The following DSCAM variants were observed in gnomAD, a reference collection of about 807,000 sequenced individuals.
DSCAM encodes cell adhesion molecule DSCAM.
A neutral mutation model predicts 217.7 loss-of-function variants in DSCAM; 47 were observed. That is an observed-to-expected ratio of 0.22 (90% confidence interval 0.17 to 0.28). DSCAM has a LOEUF of 0.28. Ranked by LOEUF, DSCAM falls within the 10% of genes least tolerant of loss-of-function variation. The probability of loss-of-function intolerance (pLI) is 1.00; values close to 1 mark genes in which losing one functional copy is unlikely to be tolerated. For missense variants in DSCAM, 2,080 were observed against 2,618.3 expected, an observed-to-expected ratio of 0.79 and a Z score of 4.49; for synonymous variants, 1,056 against 1,015.3, an observed-to-expected ratio of 1.04 and a Z score of -0.76.
chr21:40,086,657 T>C (rs902128635), intron 22 of DSCAM, among the ~76,000 whole-genome samples: 1 of 152,182 alleles, frequency 6.6e-6, no homozygotes, highest in African/African-American at 2.4e-5. Context: ...ACTCACTCTC[T>C]CCCTCTATCT....
chr21:40,647,142 A>C (rs2089957516), intron 3 of DSCAM, among the ~76,000 whole-genome samples: 1 of 152,182 alleles, frequency 6.6e-6, no homozygotes, highest in Non-Finnish European at 1.5e-5. Context: ...GAATTGGAGG[A>C]GTTGTTAAAG....
In DSCAM at chr21:40,353,437, C is replaced by A. The variant is rs200736348; in HGVS notation, c.934+28G>T. The A allele has an allele frequency of 6.7e-5, 106 of 1,587,888 alleles. 1 individual carries two copies. The highest frequency in any genetic ancestry group is 6.9e-5 in the Non-Finnish European group (81 of 1,173,446). Reference sequence around the variant, plus strand: ...GAGCTCCATCGATGGAAGCCAACACCACCTTTGCAAGTTACCGTCCAACTT... The same window carrying A: ...GAGCTCCATCGATGGAAGCCAACACAACCTTTGCAAGTTACCGTCCAACTT... On this transcript the variant is annotated intron_variant, in intron 5 of 32. Transcript: ENST00000400454.
intron 3 of DSCAM, among the ~76,000 whole-genome samples, chr21:40,518,518 AATAT>A (rs57031415): frequency 1.1e-4 from 3 of 27,406 alleles, no homozygotes; most frequent in Non-Finnish European, 1.5e-4. Context: ...TAATATATAT[AATAT>A]ATATTTTATA....
At chr21:40,722,182 A>G (rs996598682) in intron 1 of DSCAM, among the ~76,000 whole-genome samples, 3 of 152,162 alleles carry the variant, frequency 2.0e-5, no homozygotes, top group Non-Finnish European at 4.4e-5. Context: ...ATCTTTCAGG[A>G]AGAAAAGAAA....
chr21:40,197,211 C>T lies in DSCAM; in HGVS notation c.2357-7973G>A, dbSNP rs892723013. 9.9e-5 allele frequency among the ~76,000 whole-genome samples: 15 copies of T among 152,082 alleles called. No homozygotes were observed. In the East Asian group the frequency reaches 1.4e-3, roughly 14 times the overall value. ...TTGGCTCACTGCAAGCTCCGCCTCC[C>T]GGGTTCACACCATTCTCCTGCCTCA... is the stretch of plus-strand genomic sequence containing the variant. On this transcript the variant is annotated intron_variant, in intron 11 of 32. Coordinates refer to ENST00000400454, the MANE Select transcript of DSCAM (RefSeq NM_001389.5).
At chr21:40,413,552 A>G (rs1344985078) in intron 3 of DSCAM, among the ~76,000 whole-genome samples, 2 of 152,186 alleles carry the variant, frequency 1.3e-5, no homozygotes, top group Non-Finnish European at 2.9e-5. Context: ...AATTTCTCCT[A>G]TTTCTCTTGA....
intron 3 of DSCAM, among the ~76,000 whole-genome samples, chr21:40,642,546 T>C (rs1165702765): frequency 2.6e-5 from 4 of 152,166 alleles, no homozygotes; most frequent in African/African-American, 9.7e-5. Flanking sequence ...TCCAGGGATC[T>C]GCCTCTTCAC....
chr21:40,124,370 T>C, intron 19 of DSCAM, 42 bp from the exon 20 acceptor site: 1 of 1,610,034 alleles, frequency 6.2e-7, no homozygotes, highest in Non-Finnish European at 8.5e-7. Context: ...GGGCCTCAAC[T>C]TGGGCTTGCG....
intron 3 of DSCAM, among the ~76,000 whole-genome samples, chr21:40,583,807 A>C (rs565589895): frequency 1.3e-5 from 2 of 151,192 alleles, no homozygotes; most frequent in Non-Finnish European, 2.9e-5. Context: ...ATAACAAGGG[A>C]GGCTGTGCAT....
rs1054445322 is a variant in DSCAM at position 40,677,214 on chromosome 21, A to T, written c.508+15596T>A. Among the ~76,000 whole-genome samples, 6 of 42,512 alleles carry T rather than the reference A, an allele frequency of 1.4e-4. No individual in the cohort carries two copies. In the Admixed American group the frequency reaches 1.8e-3, roughly 13 times the overall value. The allele number at this position is 42,512 out of a possible 152,430, so 27.9% of individuals were successfully genotyped here. ...TACAATGCAATGGGCATAGGAGGATAAAAAAAAATGTGTGCATAAAAAGAA... is the reference window on the plus strand; with the variant it reads ...TACAATGCAATGGGCATAGGAGGATTAAAAAAAATGTGTGCATAAAAAGAA... On this transcript the variant is annotated intron_variant, in intron 3 of 32. Coordinates refer to ENST00000400454, the MANE Select transcript of DSCAM (RefSeq NM_001389.5).
At chr21:40,256,769 A>C (rs2073377966) in intron 11 of DSCAM, among the ~76,000 whole-genome samples, 3 of 152,224 alleles carry the variant, frequency 2.0e-5, no homozygotes, top group African/African-American at 7.2e-5. Flanking sequence ...GCTTTTGACC[A>C]AGCATCTGAG....
intron 5 of DSCAM, 116 bp from the exon 6 acceptor site, chr21:40,348,061 T>A (rs1053142511): frequency 1.9e-6 from 2 of 1,040,640 alleles, no homozygotes; most frequent in African/African-American, 3.2e-5. Context: ...CTCCACACAG[T>A]TCCCATCAGC....
rs115009079 is a variant in DSCAM, at chr21:40,063,408, T to C, written c.4889-509A>G. Among the ~76,000 whole-genome samples, 514 of 151,520 alleles carry C rather than the reference T, an allele frequency of 3.4e-3. 3 individuals carry two copies. The highest frequency in any genetic ancestry group is 0.012 in the African/African-American group (492 of 41,298). On this transcript the variant is annotated intron_variant, in intron 27 of 32. Coordinates refer to ENST00000400454, the MANE Select transcript of DSCAM (RefSeq NM_001389.5). ...AATTCAGAAATTAAAAAAACTTTAT[T>C]TTTTTTTTCTCTGAGCACATTGTTT...
intron 10 of DSCAM, among the ~76,000 whole-genome samples, chr21:40,295,145 A>C (rs974951313): frequency 1.3e-5 from 2 of 152,144 alleles, no homozygotes; most frequent in African/African-American, 4.8e-5. Context: ...CAAATACCTC[A>C]CAATAATTAA....
rs1426137574 is a variant in DSCAM at position 40,232,822 on chromosome 21, AG to A, written c.2356+43274del. Among the ~76,000 whole-genome samples the A allele has an allele frequency of 3.9e-5, 6 of 152,298 alleles. No individual in the cohort carries two copies. In the East Asian group the frequency reaches 1.2e-3, roughly 29 times the overall value. On this transcript the variant is annotated intron_variant, in intron 11 of 32. Transcript: ENST00000400454. ...GACTTTTACTGAGATTAAACCTAGTAGGGTGATATTTAAGGAGTCATAATAA... is the reference window on the plus strand; with the variant it reads ...GACTTTTACTGAGATTAAACCTAGTAGGTGATATTTAAGGAGTCATAATAA...
At chr21:40,152,127 A>G (rs200575514) in intron 16 of DSCAM, among the ~76,000 whole-genome samples, 1 of 54,114 alleles carries the variant, frequency 1.8e-5, no homozygotes, top group Non-Finnish European at 7.9e-5. Flanking sequence ...AAAAAAAAAA[A>G]CACAAAAAAA....
At chr21:40,253,063 T>C (rs2073326315) in intron 11 of DSCAM, among the ~76,000 whole-genome samples, 1 of 152,198 alleles carries the variant, frequency 6.6e-6, no homozygotes, top group East Asian at 1.9e-4. Flanking sequence ...TACACATACC[T>C]GAGCAGGAAG....
At chr21:40,501,252 A>C (rs1407124656) in intron 3 of DSCAM, among the ~76,000 whole-genome samples, 1 of 152,162 alleles carries the variant, frequency 6.6e-6, no homozygotes, top group Non-Finnish European at 1.5e-5. Context: ...GGCATCCTCT[A>C]TTTTATGTGA....
intron 32 of DSCAM, among the ~76,000 whole-genome samples, chr21:40,019,487 G>T (rs928731204): frequency 2.6e-5 from 4 of 152,226 alleles, no homozygotes; most frequent in Admixed American, 6.5e-5. Context: ...TAATGCATGT[G>T]AAAGCTTTCC....
Sources: allele counts gnomAD v4.1 joint callset (sites outside exome capture counted in the v4.1 genomes callset), GRCh38; gene constraint gnomAD v4.1.1; transcripts MANE v1.5; gene names NCBI Gene and HGNC (gene_info 2026-07-23, HGNC 2026-07-21).